Variants in TOMM40L observed in about 807,000 individuals in gnomAD.
The protein encoded by TOMM40L is mitochondrial import receptor subunit TOM40B.
TOMM40L carries 17 observed loss-of-function variants against 38.3 expected under a neutral mutation model. The observed-to-expected ratio is 0.44, with a 90% CI of 0.30 to 0.67. The LOEUF (loss-of-function observed/expected upper bound fraction) is 0.67. Among genes scored for constraint, TOMM40L ranks in the 30% least tolerant of loss-of-function variants. TOMM40L has a pLI of 0.08. For missense variants in TOMM40L, 294 were observed against 390.0 expected (o/e 0.75, Z 2.07); for synonymous variants, 151 against 150.2 (o/e 1.01, Z -0.04).
In TOMM40L at chr1:161,229,403, G is replaced by A; in HGVS notation, c.*308G>A. ...TTCCCCCGGCACCCCTTGCCCTCAG[G>A]CTTCCTTCTTCCTTTCCCTTTGGTT... On this transcript the variant is annotated 3_prime_UTR_variant, in exon 10 of 10. Transcript: ENST00000367988. 1 of 617,344 alleles carries A rather than the reference G, an allele frequency of 1.6e-6. No individual in the cohort carries two copies. The highest frequency in any genetic ancestry group is 2.8e-6 in the Non-Finnish European group (1 of 356,644). The allele number at this position is 617,344 out of a possible 1,614,324, so 38.2% of individuals were successfully genotyped here.
Position 161,227,278 on chromosome 1 carries a change from G to C in TOMM40L, c.204G>C (p.Met68Ile), listed in dbSNP as rs41270853. ...SHFQVAHTIH[M>I]SALGLPGYHL... ...CTCAGGTGGCGCACACTATACACAT[G>C]AGTGCCCTGGGCTTGCCGGGATATC... Residue 68 changes from methionine (M) to isoleucine (I), a missense_variant, in exon 4 of 10, where the codon ATG (methionine) becomes ATC (isoleucine). Coordinates refer to ENST00000367988, the MANE Select transcript of TOMM40L (RefSeq NM_032174.6). 1.2e-6 allele frequency: 2 copies of C among 1,614,194 alleles called. No homozygotes were observed. The highest frequency in any genetic ancestry group is 8.5e-7 in the Non-Finnish European group (1 of 1,180,020).
chr1:161,229,994 T>C lies in TOMM40L; in HGVS notation c.*899T>C. On this transcript the variant is annotated 3_prime_UTR_variant, in exon 10 of 10. Transcript: ENST00000367988. ...ATAAGGCAGTTGGGAGTCTTGTCTC[T>C]AGGCCCTGATCCCCTGAACTATTCC... is the stretch of plus-strand genomic sequence containing the variant. 6.4e-7 allele frequency: 1 copy of C among 1,573,820 alleles called. No homozygotes were observed. Among genetic ancestry groups the C allele is most frequent in the Admixed American group, 1.7e-5 (1 of 59,224 alleles).
rs965710106 is a variant in TOMM40L, at chr1:161,230,656, G to A, written c.*1561G>A. On this transcript the variant is annotated 3_prime_UTR_variant, in exon 10 of 10. Transcript: ENST00000367988. ...AATACAGCAATTTGGATGCTGAAAC[G>A]ATGTGAGACAGGGATGGCCAGGGGG... 10 of 912,412 alleles carry A rather than the reference G, an allele frequency of 1.1e-5. No individual in the cohort carries two copies. Among genetic ancestry groups the A allele is most frequent in the South Asian group, 1.7e-5 (1 of 59,950 alleles). The allele number at this position is 912,412 out of a possible 1,614,324, so 56.5% of individuals were successfully genotyped here. A position where few individuals can be genotyped will look rare whatever the true frequency, so the allele number is the denominator to read the frequency against.
chr1:161,227,310 A>T lies in TOMM40L; in HGVS notation c.236A>T (p.His79Leu). ...CTGGGCTTGCCGGGATATCACCTCC[A>T]TGCGGCCTATGCAGGGGATTGGCAG... ...SALGLPGYHL[H>L]AAYAGDWQLS... is the part of the protein sequence containing the mutation. Residue 79 changes from histidine to leucine, a missense_variant, in exon 4 of 10, where the codon CAT becomes CTT. Coordinates refer to ENST00000367988, the MANE Select transcript of TOMM40L (RefSeq NM_032174.6). 9 of 1,614,188 alleles carry T rather than the reference A, an allele frequency of 5.6e-6. No homozygotes were observed. The highest frequency in any genetic ancestry group is 7.6e-6 in the Non-Finnish European group (9 of 1,180,034).
At position 161,229,226 on chromosome 1, in the gene TOMM40L, G is replaced by A; in HGVS notation, c.*131G>A. ...GGACCCAGGAGCAGAGTGGTGGACA[G>A]GACCATGCCCTCCTCAGAACTGGAG... On this transcript the variant is annotated 3_prime_UTR_variant, in exon 10 of 10. Coordinates refer to ENST00000367988, the MANE Select transcript of TOMM40L (RefSeq NM_032174.6). 1 of 1,335,806 alleles carries A rather than the reference G, an allele frequency of 7.5e-7. No homozygotes were observed. The highest frequency in any genetic ancestry group is 2.1e-5 in the Admixed American group (1 of 47,744). The allele number at this position is 1,335,806 out of a possible 1,614,324, so 82.7% of individuals were successfully genotyped here. A position where few individuals can be genotyped will look rare whatever the true frequency, so the allele number is the denominator to read the frequency against.
rs955579260 is a variant in TOMM40L at position 161,229,467 on chromosome 1, C to T, written c.*372C>T. ...ATTAGCTGACCATCCTGTTTTCCAT[C>T]CCAGAGCCTCCCAAGGCTGGGAAAG... On this transcript the variant is annotated 3_prime_UTR_variant, in exon 10 of 10. Coordinates refer to ENST00000367988, the MANE Select transcript of TOMM40L (RefSeq NM_032174.6). 1.4e-5 allele frequency: 10 copies of T among 691,610 alleles called. No homozygotes were observed. Among genetic ancestry groups the T allele is most frequent in the Non-Finnish European group, 2.4e-5 (10 of 419,170 alleles). The allele number at this position is 691,610 out of a possible 1,614,324, so 42.8% of individuals were successfully genotyped here.
At chr1:161,228,399 C>T (rs1457060296) in intron 7 of TOMM40L, 29 bp from the exon 8 acceptor site, 2 of 1,613,790 alleles carry the variant, frequency 1.2e-6, no homozygotes, top group Non-Finnish European at 1.7e-6. Context: ...AGTTAACACT[C>T]CTTCCCCTCT....
In TOMM40L at chr1:161,226,500, C is replaced by T. The variant is rs748054123; in HGVS notation, c.11C>T (p.Thr4Ile). 4 of 1,613,928 alleles carry T rather than the reference C, an allele frequency of 2.5e-6. No individual in the cohort carries two copies. The highest frequency in any genetic ancestry group is 3.4e-6 in the Non-Finnish European group (4 of 1,179,928). Residue 4 changes from threonine (T) to isoleucine (I), a missense_variant, in exon 2 of 10, where the codon ACA becomes ATA. Coordinates refer to ENST00000367988, the MANE Select transcript of TOMM40L (RefSeq NM_032174.6). ...GTCCTCTGGACTAAAATGGGGAACA[C>T]ATTGGGCCTGGCACCAATGGGGACT... Reference protein sequence around the residue: MGNTLGLAPMGTLP... With the variant: MGNILGLAPMGTLP...
chr1:161,228,127 G>A (rs1168153988), intron 6 of TOMM40L, 59 bp from the exon 7 acceptor site: 2 of 1,576,196 alleles, frequency 1.3e-6, no homozygotes, highest in South Asian at 1.2e-5. Flanking sequence ...TTGGGAGTGA[G>A]GGAGCAGGTC....
In TOMM40L at chr1:161,229,776, G is replaced by A. The variant is rs1263939811; in HGVS notation, c.*681G>A. The stretch of plus-strand genomic sequence containing the variant: ...TATCCAGGGTGTTCCAGGTGAGCTG[G>A]GGAAGGAAGTGAGCATGGCCTCAGC... On this transcript the variant is annotated 3_prime_UTR_variant, in exon 10 of 10. Coordinates refer to ENST00000367988, the MANE Select transcript of TOMM40L (RefSeq NM_032174.6). 1.2e-6 allele frequency: 2 copies of A among 1,614,226 alleles called. No individual in the cohort carries two copies. The highest frequency in any genetic ancestry group is 4.5e-5 in the East Asian group (2 of 44,888).
chr1:161,229,172 T>G lies in TOMM40L; in HGVS notation c.*77T>G, dbSNP rs1666604624. 1.2e-6 allele frequency: 2 copies of G among 1,602,978 alleles called. No individual in the cohort carries two copies. Among genetic ancestry groups the G allele is most frequent in the Non-Finnish European group, 8.5e-7 (1 of 1,172,566 alleles). On this transcript the variant is annotated 3_prime_UTR_variant, in exon 10 of 10. Transcript: ENST00000367988. ...CTAGGGCCAAAGACTAGGCCCCTCT[T>G]CAGAGCCCACCTTGCTGGGTGATCT...
rs1011044762 is a variant in TOMM40L, at chr1:161,229,328, T to C, written c.*233T>C. ...ACCAGCCCCAGTATCACCTTCCCCA[T>C]GCTCTTGTGGCTGTGGACTAAGGGA... On this transcript the variant is annotated 3_prime_UTR_variant, in exon 10 of 10. Transcript: ENST00000367988. 7.8e-6 allele frequency: 5 copies of C among 640,486 alleles called. No individual in the cohort carries two copies. The Admixed American group carries it at 1.2e-4, about 15-fold the overall frequency. The allele number at this position is 640,486 out of a possible 1,614,324, so 39.7% of individuals were successfully genotyped here. A position where few individuals can be genotyped will look rare whatever the true frequency, so the allele number is the denominator to read the frequency against.
rs1305341019 is a variant in TOMM40L, at chr1:161,227,366, AC to A, written c.276+18del. ...TCCCACTGAGGTGAGGGCTCCACACACCTGGGTCATCTCCCTAAAAACCAAT... is the reference window on the plus strand; with the variant it reads ...TCCCACTGAGGTGAGGGCTCCACACACTGGGTCATCTCCCTAAAAACCAAT... On this transcript the variant is annotated intron_variant, in intron 4 of 9. Transcript: ENST00000367988. 1.9e-6 allele frequency: 3 copies of A among 1,612,656 alleles called. No individual in the cohort carries two copies.
chr1:161,229,035 A>G lies in TOMM40L; in HGVS notation c.867A>G (p.Gly289=). The stretch of plus-strand genomic sequence containing the variant: ...CTCTGCCTGTCACCCTAGCCCTTGG[A>G]GCCTTCCTCAATCACTGGCGCAACA... ...MPPLPVTLAL[G]AFLNHWRNRF... is the part of the protein sequence containing the mutation. Residue 289 remains glycine, a synonymous_variant, in exon 10 of 10, where the codon GGA becomes GGG. Coordinates refer to ENST00000367988, the MANE Select transcript of TOMM40L (RefSeq NM_032174.6). 2 of 1,614,022 alleles carry G rather than the reference A, an allele frequency of 1.2e-6. No individual in the cohort carries two copies. Among genetic ancestry groups the G allele is most frequent in the East Asian group, 2.2e-5 (1 of 44,870 alleles).
In TOMM40L at chr1:161,229,293, C is replaced by A; in HGVS notation, c.*198C>A. On this transcript the variant is annotated 3_prime_UTR_variant, in exon 10 of 10. Transcript: ENST00000367988. ...TGATGAGGCAGAGGTTTGAGGATCC[C>A]CCCTCTGCTACCAGCCCCAGTATCA... 1 of 716,846 alleles carries A rather than the reference C, an allele frequency of 1.4e-6. No homozygotes were observed. The highest frequency in any genetic ancestry group is 2.3e-6 in the Non-Finnish European group (1 of 441,534). 44.4% of individuals were successfully genotyped at this position (716,846 alleles called of 1,614,324 possible). A position where few individuals can be genotyped will look rare whatever the true frequency, so the allele number is the denominator to read the frequency against.
In TOMM40L at chr1:161,229,569, G is replaced by A; in HGVS notation, c.*474G>A. Reference sequence around the variant, plus strand: ...CCAGAAGGAGCTTCTTTACCTCTTAGCCCTGAGGTTTCCTCCTTCCCATCT... The same window carrying A: ...CCAGAAGGAGCTTCTTTACCTCTTAACCCTGAGGTTTCCTCCTTCCCATCT... On this transcript the variant is annotated 3_prime_UTR_variant, in exon 10 of 10. Coordinates refer to ENST00000367988, the MANE Select transcript of TOMM40L (RefSeq NM_032174.6). 6.9e-7 allele frequency: 1 copy of A among 1,458,292 alleles called. No homozygotes were observed. The highest frequency in any genetic ancestry group is 1.4e-5 in the African/African-American group (1 of 71,868). 90.3% of individuals were successfully genotyped at this position (1,458,292 alleles called of 1,614,324 possible). A position where few individuals can be genotyped will look rare whatever the true frequency, so the allele number is the denominator to read the frequency against.
Position 161,230,007 on chromosome 1 carries a change from C to T in TOMM40L, c.*912C>T. Reference sequence around the variant, plus strand: ...GAGTCTTGTCTCTAGGCCCTGATCCCCTGAACTATTCCTCAGTGAAGCCAG... The same window carrying T: ...GAGTCTTGTCTCTAGGCCCTGATCCTCTGAACTATTCCTCAGTGAAGCCAG... On this transcript the variant is annotated 3_prime_UTR_variant, in exon 10 of 10. Coordinates refer to ENST00000367988, the MANE Select transcript of TOMM40L (RefSeq NM_032174.6). 1.3e-6 allele frequency: 2 copies of T among 1,527,714 alleles called. No individual in the cohort carries two copies. Among genetic ancestry groups the T allele is most frequent in the Non-Finnish European group, 1.8e-6 (2 of 1,113,232 alleles). The allele number at this position is 1,527,714 out of a possible 1,614,324, so 94.6% of individuals were successfully genotyped here.
Position 161,227,714 on chromosome 1 carries a change from C to G in TOMM40L, c.355C>G (p.Leu119Val). The change falls in exon 5 of 10, where the codon CTC (leucine) becomes GTC (valine). Residue 119 changes from leucine to valine, a missense_variant. Coordinates refer to ENST00000367988, the MANE Select transcript of TOMM40L (RefSeq NM_032174.6). The stretch of plus-strand genomic sequence containing the variant: ...GGTCTTGCTCCTCTTGGCAGAGCGG[C>G]TCCGAGCTAAGGCTGTCTTCCAGGT... ...AQVLLLLAERLRAKAVFQTQQ... is the reference protein window; with the variant it reads ...AQVLLLLAERVRAKAVFQTQQ... The G allele has an allele frequency of 6.2e-7, 1 of 1,613,342 alleles. No homozygotes were observed. Among genetic ancestry groups the G allele is most frequent in the Non-Finnish European group, 8.5e-7 (1 of 1,180,016 alleles).
Position 161,230,385 on chromosome 1 carries a change from C to T in TOMM40L, c.*1290C>T, listed in dbSNP as rs1035770157. The T allele has an allele frequency of 6.4e-5, 22 of 344,990 alleles. No homozygotes were observed. Among genetic ancestry groups the T allele is most frequent in the Non-Finnish European group, 1.1e-4 (21 of 189,924 alleles). 21.4% of individuals were successfully genotyped at this position (344,990 alleles called of 1,614,324 possible). A position where few individuals can be genotyped will look rare whatever the true frequency, so the allele number is the denominator to read the frequency against. ...CTATTGAACCTGGAACTGGCTTTGA[C>T]CATGAAACTGTGAATGGCCCTAACT... On this transcript the variant is annotated 3_prime_UTR_variant, in exon 10 of 10. Coordinates refer to ENST00000367988, the MANE Select transcript of TOMM40L (RefSeq NM_032174.6).
Sources: allele counts gnomAD v4.1 joint callset, GRCh38; gene constraint gnomAD v4.1.1; transcripts MANE v1.5; gene names NCBI Gene and HGNC (gene_info 2026-07-23, HGNC 2026-07-21).